Variants in TIAM2 observed in about 807,000 individuals in gnomAD.
TIAM2 encodes rho guanine nucleotide exchange factor TIAM2.
TIAM2 carries 80 observed loss-of-function variants against 152.9 expected under a neutral mutation model. The observed-to-expected ratio is 0.52, with a 90% confidence interval of 0.44 to 0.63. The LOEUF (loss-of-function observed/expected upper bound fraction) is 0.63. Among genes scored for constraint, TIAM2 ranks in the 30% least tolerant of loss-of-function variants. TIAM2 has a pLI of 0.00. For synonymous variants in TIAM2, 804 were observed against 838.0 expected (o/e 0.96, Z 0.70); for missense variants, 1,965 against 2,120.1 (o/e 0.93, Z 1.44).
chr6:155,055,358 G>A (rs9384274), intron 1 of TIAM2, among the ~76,000 whole-genome samples: 2 of 152,108 alleles, frequency 1.3e-5, no homozygotes, highest in East Asian at 1.9e-4. Context: ...AGGACATGCC[G>A]ATTACTTGTG....
chr6:155,140,608 G>GAGAA (rs1280715567), intron 5 of TIAM2, among the ~76,000 whole-genome samples: 1 of 147,360 alleles, frequency 6.8e-6, no homozygotes, highest in African/African-American at 2.7e-5. Context: ...GAGAGAGAGA[G>GAGAA]AGAGAGAGAA....
At chr6:155,051,839 C>T (rs1777325925) in intron 1 of TIAM2, among the ~76,000 whole-genome samples, 1 of 152,030 alleles carries the variant, frequency 6.6e-6, no homozygotes, top group South Asian at 2.1e-4. Context: ...GGGGTTTCAC[C>T]ATGTTGGCCA....
chr6:155,073,566 C>G (rs1777890361), intron 1 of TIAM2, among the ~76,000 whole-genome samples: 1 of 152,216 alleles, frequency 6.6e-6, no homozygotes, highest in South Asian at 2.1e-4. Flanking sequence ...TCCATTTCCT[C>G]TCATTATAAA....
chr6:155,169,952 G>A (rs1395375774), intron 9 of TIAM2, among the ~76,000 whole-genome samples: 2 of 152,048 alleles, frequency 1.3e-5, no homozygotes, highest in African/African-American at 4.8e-5. Context: ...CTGAGTAGCT[G>A]GGATTACAGG....
chr6:155,236,913 CCA>C (rs751084353), intron 15 of TIAM2, among the ~76,000 whole-genome samples: 39 of 152,278 alleles, frequency 2.6e-4, no homozygotes, highest in Admixed American at 6.5e-4. Flanking sequence ...CCAAACCATA[CCA>C]TTTTGCCCTG....
intron 16 of TIAM2, among the ~76,000 whole-genome samples, chr6:155,242,707 G>A (rs11752505): frequency 0.36 from 54,886 of 151,962 alleles, 10,686 homozygotes; most frequent in Middle Eastern, 0.51. Context: ...TTCTATCACT[G>A]AACTATATCC....
At chr6:155,198,221 T>C (rs1442804201) in intron 14 of TIAM2, among the ~76,000 whole-genome samples, 1 of 152,200 alleles carries the variant, frequency 6.6e-6, no homozygotes, top group Non-Finnish European at 1.5e-5. Flanking sequence ...TGTGTGCCTG[T>C]CCTAATTAAC....
chr6:155,066,949 G>T (rs1377907019), intron 1 of TIAM2, among the ~76,000 whole-genome samples: 1 of 152,074 alleles, frequency 6.6e-6, no homozygotes, highest in Non-Finnish European at 1.5e-5. Flanking sequence ...TAGAGACAGG[G>T]TTTTGCTATA....
rs1249575138 is a variant in TIAM2, at chr6:155,029,407, ATAATATATAC to A, written c.-209+33918_-209+33927del. ...ATGTTATATATATACTATAGTATAT[ATAATATATAC>A]TATATATACTATAGTATATATTATA... On this transcript the variant is annotated intron_variant, in intron 1 of 26. Coordinates refer to ENST00000682666, the MANE Select transcript of TIAM2 (RefSeq NM_012454.4). 1.7e-4 allele frequency among the ~76,000 whole-genome samples: 15 copies of A among 90,720 alleles called. 2 individuals are homozygous for A. The highest frequency in any genetic ancestry group is 6.5e-4 in the African/African-American group (15 of 23,232). The allele number at this position is 90,720 out of a possible 152,430, so 59.5% of individuals were successfully genotyped here.
chr6:155,146,474 ATTTC>A, intron 6 of TIAM2, among the ~76,000 whole-genome samples: 1 of 152,186 alleles, frequency 6.6e-6, no homozygotes, highest in South Asian at 2.1e-4. Flanking sequence ...GTGTGTGGTT[ATTTC>A]TAGACATCAA....
At chr6:155,114,036 ATTTTTTTTTTTTTCTTTTT>A (rs1388569201) in intron 2 of TIAM2, among the ~76,000 whole-genome samples, 2 of 34,906 alleles carry the variant, frequency 5.7e-5, no homozygotes, top group African/African-American at 2.2e-4. Context: ...ATATATATAT[ATTTTTTTTTTTTTCTTTTT>A]TTTTTTTTTT....
chr6:155,057,541 CT>C (rs71023613), intron 1 of TIAM2, among the ~76,000 whole-genome samples: 4,028 of 79,676 alleles, frequency 0.051, 115 homozygotes, highest in Admixed American at 0.17. Context: ...CCATAATGTA[CT>C]TTTTTTTTTT....
intron 4 of TIAM2, among the ~76,000 whole-genome samples, chr6:155,134,765 G>A (rs1779521166): frequency 6.6e-6 from 1 of 152,036 alleles, no homozygotes; most frequent in Admixed American, 6.6e-5. Flanking sequence ...GAGTGCAGTG[G>A]CGTGATCTCT....
chr6:155,005,265 T>A, intron 1 of TIAM2: 1 of 226,192 alleles, frequency 4.4e-6, no homozygotes, highest in Non-Finnish European at 9.6e-6. Context: ...AGGCCAGGCA[T>A]CCTGAGTACA....
chr6:155,051,652 G>GT (rs1205357309), intron 1 of TIAM2, among the ~76,000 whole-genome samples: 55 of 150,660 alleles, frequency 3.7e-4, no homozygotes, highest in African/African-American at 5.8e-4. Context: ...GGCTCTTATT[G>GT]TTTTTTTTTG....
intron 2 of TIAM2, among the ~76,000 whole-genome samples, chr6:155,100,352 T>C (rs1413420754): frequency 6.6e-6 from 1 of 152,210 alleles, no homozygotes; most frequent in African/African-American, 2.4e-5. Flanking sequence ...GCTTGGAATA[T>C]GAAATGCTAA....
chr6:155,024,554 T>C (rs1433516903), intron 1 of TIAM2, among the ~76,000 whole-genome samples: 1 of 151,976 alleles, frequency 6.6e-6, no homozygotes, highest in Non-Finnish European at 1.5e-5. Context: ...ATCGCTGTGA[T>C]ATTTAGGTCT....
chr6:155,069,340 C>T (rs1777781634), intron 1 of TIAM2, among the ~76,000 whole-genome samples: 2 of 152,074 alleles, frequency 1.3e-5, no homozygotes, highest in Non-Finnish European at 1.5e-5. Context: ...GCGATCCTCC[C>T]ACCTCAGCCT....
chr6:155,234,790 C>T (rs17812980), intron 15 of TIAM2, among the ~76,000 whole-genome samples: 76,244 of 152,144 alleles, frequency 0.5, 20,120 homozygotes, highest in Middle Eastern at 0.6. Flanking sequence ...TGAGCTGTTT[C>T]TGCCTCTCTA....
Sources: gnomAD v4.1 joint callset for allele counts (sites outside exome capture counted in the v4.1 genomes callset) on GRCh38, gnomAD v4.1.1 for gene constraint, MANE v1.5 for transcripts, NCBI Gene and HGNC (gene_info 2026-07-23, HGNC 2026-07-21) for gene names.